The following SV2B variants were observed in gnomAD, a reference collection of about 807,000 sequenced individuals.
The protein encoded by SV2B is solute carrier family 22 member B2.
In SV2B, 41 loss-of-function variants were observed where a neutral mutation model predicts 73.9. The ratio of observed to expected loss-of-function variants is 0.56; its 90% CI spans 0.43 to 0.72. The LOEUF (loss-of-function observed/expected upper bound fraction) is 0.72, where lower values mean the gene tolerates loss of function less well. Ranked by LOEUF, SV2B falls within the 30% of genes least tolerant of loss-of-function variation. The pLI, the probability that SV2B is intolerant of heterozygous loss-of-function variation, is 0.00. For missense variants in SV2B, 764 were observed against 857.8 expected (o/e 0.89, Z 1.37); for synonymous variants, 314 against 314.2 (o/e 1.00, Z 0.01).
At chr15:91,149,015 G>A (rs1263155677) in intron 1 of SV2B, among the ~76,000 whole-genome samples, 1 of 152,160 alleles carries the variant, frequency 6.6e-6, no homozygotes, top group South Asian at 2.1e-4. Flanking sequence ...TGGACTAATC[G>A]CATTGACCAG....
At position 91,124,540 on chromosome 15, in the gene SV2B, A is replaced by G. The variant is rs1357000856; in HGVS notation, c.-392+24177A>G. 6.6e-6 allele frequency among the ~76,000 whole-genome samples: 1 copy of G among 152,188 alleles called. No individual in the cohort carries two copies. The highest frequency in any genetic ancestry group is 1.5e-5 in the Non-Finnish European group (1 of 68,032). ...TTAAGTCATCCTAAAACTTTCCACC[A>G]TCCCCAAATGCCAAAAATACTTCTT... On this transcript the variant is annotated intron_variant, in intron 1 of 12. Transcript: ENST00000394232. The surrounding 1 kb of genome is among the most constrained non-coding windows in gnomAD (Gnocchi z 4.6).
chr15:91,278,468 G>C (rs908601902), intron 9 of SV2B, among the ~76,000 whole-genome samples: 1 of 151,622 alleles, frequency 6.6e-6, no homozygotes, highest in African/African-American at 2.4e-5. Context: ...ATGAGGTCAG[G>C]AGATCGAGAC....
chr15:91,156,390 G>T (rs188725796), intron 1 of SV2B, among the ~76,000 whole-genome samples: 4 of 152,314 alleles, frequency 2.6e-5, no homozygotes, highest in African/African-American at 9.6e-5. Flanking sequence ...GAGATTTGGG[G>T]AATTCCAGTG....
Position 91,279,264 on chromosome 15 carries a change from G to C in SV2B, c.1374-2464G>C, listed in dbSNP as rs572096594. Among the ~76,000 whole-genome samples, 12 of 152,322 alleles carry C rather than the reference G, an allele frequency of 7.9e-5. No homozygotes were observed. In the East Asian group the frequency reaches 2.3e-3, roughly 29 times the overall value. ...TTTAATTAGACTGAATTTCTTTAGG[G>C]TGATGCCCTCAAGCCTAACACATGT... On this transcript the variant is annotated intron_variant, in intron 9 of 12. Transcript: ENST00000394232.
chr15:91,234,483 CA>C lies in SV2B; in HGVS notation c.451+7772del, dbSNP rs2046703148. Among the ~76,000 whole-genome samples the C allele has an allele frequency of 6.6e-6, 1 of 152,132 alleles. No homozygotes were observed. The highest frequency in any genetic ancestry group is 2.1e-4 in the South Asian group (1 of 4,824). On this transcript the variant is annotated intron_variant, in intron 2 of 12. Transcript: ENST00000394232. The surrounding 1 kb of genome is among the most constrained non-coding windows in gnomAD (Gnocchi z 5.6). The stretch of plus-strand genomic sequence containing the variant: ...TGGTTATTGTAGTGGACAGCAGAGG[CA>C]AAGCAGAAATCAGAACAGTCTGACC...
Position 91,140,848 on chromosome 15 carries a change from C to A in SV2B, c.-392+40485C>A, listed in dbSNP as rs1596467970. Among the ~76,000 whole-genome samples the A allele has an allele frequency of 6.6e-6, 1 of 151,938 alleles. No individual in the cohort carries two copies. The highest frequency in any genetic ancestry group is 1.9e-4 in the East Asian group (1 of 5,178). On this transcript the variant is annotated intron_variant, in intron 1 of 12. Coordinates refer to ENST00000394232, the MANE Select transcript of SV2B (RefSeq NM_001323032.3). The surrounding 1 kb of genome is among the most constrained non-coding windows in gnomAD (Gnocchi z 4.4). ...AGGATGAGCCCCTGGTTGATTAGAGCCTTGCTGGGGGTTGATAAACACACA... is the reference window on the plus strand; with the variant it reads ...AGGATGAGCCCCTGGTTGATTAGAGACTTGCTGGGGGTTGATAAACACACA...
intron 1 of SV2B, among the ~76,000 whole-genome samples, chr15:91,209,065 G>A (rs1246524033): frequency 6.6e-6 from 1 of 150,604 alleles, no homozygotes; most frequent in Non-Finnish European, 1.5e-5. Flanking sequence ...CAAGTTGCTT[G>A]CCAGTTAGCC....
chr15:91,248,299 T>A (rs933415922), intron 2 of SV2B, among the ~76,000 whole-genome samples: 1 of 152,128 alleles, frequency 6.6e-6, no homozygotes, highest in East Asian at 1.9e-4. Context: ...CCAGCCTGGG[T>A]GACAGAGCAT....
rs141039258 is a variant in SV2B at position 91,144,680 on chromosome 15, C to T, written c.-392+44317C>T. Among the ~76,000 whole-genome samples the T allele has an allele frequency of 3.2e-3, 489 of 152,270 alleles. 2 individuals carry two copies. Among genetic ancestry groups the T allele is most frequent in the Admixed American group, 5.6e-3 (85 of 15,302 alleles). On this transcript the variant is annotated intron_variant, in intron 1 of 12. Coordinates refer to ENST00000394232, the MANE Select transcript of SV2B (RefSeq NM_001323032.3). ...CACCAAACCATTTGCATTTCAACAG[C>T]GGGACAGCTCTCAGAAGAGGACACG...
rs1232889937 is a variant in SV2B at position 91,116,708 on chromosome 15, C to T, written c.-392+16345C>T. Among the ~76,000 whole-genome samples, 10 of 152,142 alleles carry T rather than the reference C, an allele frequency of 6.6e-5. No homozygotes were observed. In the East Asian group the frequency reaches 7.7e-4, roughly 12 times the overall value. On this transcript the variant is annotated intron_variant, in intron 1 of 12. Coordinates refer to ENST00000394232, the MANE Select transcript of SV2B (RefSeq NM_001323032.3). ...CTTGTACTGATAGGGAACTCATAAA[C>T]GGCTGTATTAGTCTGTTCTCATACT... is the stretch of plus-strand genomic sequence containing the variant.
intron 1 of SV2B, among the ~76,000 whole-genome samples, chr15:91,138,907 C>T (rs1328844529): frequency 1.3e-5 from 2 of 152,080 alleles, no homozygotes; most frequent in African/African-American, 4.8e-5. Flanking sequence ...GCTTGGGAAA[C>T]ATAAATTATT....
rs956250063 is a variant in SV2B at position 91,132,197 on chromosome 15, A to G, written c.-392+31834A>G. ...CCAGCAGCGGCTCAAGAGCCCAGCT[A>G]CAGAATCGTCTCGGGTCCAAATACC... is the stretch of plus-strand genomic sequence containing the variant. On this transcript the variant is annotated intron_variant, in intron 1 of 12. Coordinates refer to ENST00000394232, the MANE Select transcript of SV2B (RefSeq NM_001323032.3). The surrounding 1 kb of genome is among the most constrained non-coding windows in gnomAD (Gnocchi z 4.6). Among the ~76,000 whole-genome samples the G allele has an allele frequency of 5.9e-5, 9 of 152,246 alleles. No individual in the cohort carries two copies. Among genetic ancestry groups the G allele is most frequent in the African/African-American group, 1.9e-4 (8 of 41,478 alleles).
At position 91,132,799 on chromosome 15, in the gene SV2B, C is replaced by T. The variant is rs1001538044; in HGVS notation, c.-392+32436C>T. 1.3e-5 allele frequency among the ~76,000 whole-genome samples: 2 copies of T among 152,006 alleles called. No homozygotes were observed. Among genetic ancestry groups the T allele is most frequent in the Non-Finnish European group, 2.9e-5 (2 of 67,988 alleles). Reference sequence around the variant, plus strand: ...AGGCTGCAGTGAGCTATAGTCGCACCACTGCACTCCAGCCTGGGCAACAGA... The same window carrying T: ...AGGCTGCAGTGAGCTATAGTCGCACTACTGCACTCCAGCCTGGGCAACAGA... On this transcript the variant is annotated intron_variant, in intron 1 of 12. Coordinates refer to ENST00000394232, the MANE Select transcript of SV2B (RefSeq NM_001323032.3). The surrounding 1 kb of genome is among the most constrained non-coding windows in gnomAD (Gnocchi z 4.6).
At position 91,218,475 on chromosome 15, in the gene SV2B, A is replaced by G. The variant is rs2046108337; in HGVS notation, c.-391-7398A>G. Among the ~76,000 whole-genome samples, 3 of 152,118 alleles carry G rather than the reference A, an allele frequency of 2.0e-5. No homozygotes were observed. The South Asian group carries it at 6.2e-4, about 32-fold the overall frequency. ...TGTTTTCTCAAATGCCAAGGTGCCA[A>G]ATTTTGGGGGAGTGTGTCTGGAACC... On this transcript the variant is annotated intron_variant, in intron 1 of 12. Transcript: ENST00000394232.
rs1413625682 is a variant in SV2B, at chr15:91,267,505, A to G, written c.1120-50A>G. ...GTAATGAGCTCTTCGTGGGAGAAAC[A>G]AAGTCACACATTGCTTTCTTTAACA... On this transcript the variant is annotated intron_variant, in intron 7 of 12. Coordinates refer to ENST00000394232, the MANE Select transcript of SV2B (RefSeq NM_001323032.3). The surrounding 1 kb of genome is among the most constrained non-coding windows in gnomAD (Gnocchi z 4.3). 2.0e-6 allele frequency: 3 copies of G among 1,522,772 alleles called. No individual in the cohort carries two copies. Among genetic ancestry groups the G allele is most frequent in the Non-Finnish European group, 2.7e-6 (3 of 1,101,876 alleles). 94.3% of individuals were successfully genotyped at this position (1,522,772 alleles called of 1,614,324 possible). A position where few individuals can be genotyped will look rare whatever the true frequency, so the allele number is the denominator to read the frequency against.
At position 91,133,926 on chromosome 15, in the gene SV2B, G is replaced by T. The variant is rs143137010; in HGVS notation, c.-392+33563G>T. 7.7e-3 allele frequency among the ~76,000 whole-genome samples: 1,162 copies of T among 151,732 alleles called. 16 individuals are homozygous for T. The highest frequency in any genetic ancestry group is 0.027 in the African/African-American group (1,119 of 41,352). Reference sequence around the variant, plus strand: ...CACATGCACATGAGGGCTTTTTGCAGGATGCTTAAAAAGTGAGGCATGTTG... The same window carrying T: ...CACATGCACATGAGGGCTTTTTGCATGATGCTTAAAAAGTGAGGCATGTTG... On this transcript the variant is annotated intron_variant, in intron 1 of 12. Transcript: ENST00000394232.
rs567034840 is a variant in SV2B at position 91,197,035 on chromosome 15, C to T, written c.-391-28838C>T. On this transcript the variant is annotated intron_variant, in intron 1 of 12. Transcript: ENST00000394232. The surrounding 1 kb of genome is among the most constrained non-coding windows in gnomAD (Gnocchi z 4.9). ...ACGGGGATTTTGCTCCTCTGTTGCT[C>T]CGCCTGCCGGCTGTGGCAGCCTTTA... Among the ~76,000 whole-genome samples the T allele has an allele frequency of 7.2e-5, 11 of 152,346 alleles. No individual in the cohort carries two copies. Among genetic ancestry groups the T allele is most frequent in the African/African-American group, 2.4e-4 (10 of 41,588 alleles).
At chr15:91,126,683 G>T (rs1278402546) in intron 1 of SV2B, among the ~76,000 whole-genome samples, 1 of 152,148 alleles carries the variant, frequency 6.6e-6, no homozygotes, top group African/African-American at 2.4e-5. Context: ...TTTATCCCAA[G>T]AATGCAAGTC....
Position 91,267,430 on chromosome 15 carries a change from G to C in SV2B, c.1120-125G>C. 1.3e-6 allele frequency: 1 copy of C among 759,234 alleles called. No individual in the cohort carries two copies. Among genetic ancestry groups the C allele is most frequent in the East Asian group, 2.7e-5 (1 of 37,090 alleles). The allele number at this position is 759,234 out of a possible 1,614,324, so 47.0% of individuals were successfully genotyped here. Reference sequence around the variant, plus strand: ...GTTTTGCTGCCTCTAGGAGACAGTGGGGTACCGGTTCTCTCCATGGGTTCC... The same window carrying C: ...GTTTTGCTGCCTCTAGGAGACAGTGCGGTACCGGTTCTCTCCATGGGTTCC... On this transcript the variant is annotated intron_variant, in intron 7 of 12. Transcript: ENST00000394232. This position sits in a 1 kb window ranked among gnomAD's most constrained non-coding sequence, Gnocchi z 4.3.
Sources: gnomAD v4.1 joint callset for allele counts (sites outside exome capture counted in the v4.1 genomes callset) on GRCh38, gnomAD v4.1.1 for gene constraint, Gnocchi (gnomAD v3.1) non-coding constraint, MANE v1.5 for transcripts, NCBI Gene and HGNC (gene_info 2026-07-23, HGNC 2026-07-21) for gene names.